ETV1: variants seen among roughly 807,000 people sequenced by gnomAD.
ETV1 encodes ETS translocation variant 1.
Under a neutral mutation model 62.3 loss-of-function variants are expected in ETV1, and 27 were observed. The ratio of observed to expected loss-of-function variants is 0.43; its 90% CI spans 0.32 to 0.60. The LOEUF (loss-of-function observed/expected upper bound fraction) is 0.60. Ranked by LOEUF, ETV1 falls within the 20% of genes least tolerant of loss-of-function variation. The pLI is 0.06. For missense variants in ETV1, 605 were observed against 605.8 expected (o/e 1.00, Z 0.01); for synonymous variants, 222 against 199.6 (o/e 1.11, Z -0.94).
Position 13,931,563 on chromosome 7 carries a change from G to T in ETV1, c.741C>A (p.Ser247Arg), listed in dbSNP as rs759316974. The change falls in exon 9 of 14, where the codon AGC becomes AGA. Residue 247 changes from serine to arginine, a missense_variant. This residue lies in a region of ETV1 where 426 missense variants were observed against 377.8 expected (regional missense o/e 1.13). Coordinates refer to ENST00000430479, the MANE Select transcript of ETV1 (RefSeq NM_004956.5). ...TCATCAGAGGAGGGGGAAAGCTTTG[G>T]CTGGCCGCACTGCCAACCATGGTGT... ...EHNTMVGSAA[S>R]QSFPPPLMIK... The T allele has an allele frequency of 7.5e-5, 121 of 1,613,930 alleles. No homozygotes were observed. The highest frequency in any genetic ancestry group is 1.0e-4 in the Non-Finnish European group (120 of 1,179,904).
At chr7:13,906,409 A>C in intron 12 of ETV1, 21 bp downstream of exon 12, 1 of 1,487,022 alleles carries the variant, frequency 6.7e-7, no homozygotes, top group South Asian at 1.4e-5. Context: ...GAGTGTCCTA[A>C]TTAAAATCTA....
At chr7:13,970,218 G>A (rs1350491385) in intron 6 of ETV1, among the ~76,000 whole-genome samples, 5 of 150,830 alleles carry the variant, frequency 3.3e-5, no homozygotes, top group African/African-American at 4.9e-5. Flanking sequence ...CTGAGGTCAC[G>A]CCACTGCACT....
intron 9 of ETV1, among the ~76,000 whole-genome samples, chr7:13,921,676 T>C (rs1339819918): frequency 1.3e-5 from 2 of 152,198 alleles, no homozygotes; most frequent in African/African-American, 2.4e-5. Context: ...TGACAAATAT[T>C]CAACCTCCAA....
At chr7:13,936,886 C>CA in intron 7 of ETV1, among the ~76,000 whole-genome samples, 1 of 151,898 alleles carries the variant, frequency 6.6e-6, no homozygotes, top group African/African-American at 2.4e-5. Context: ...ACTAAAAATA[C>CA]AAAAAATTAG....
intron 11 of ETV1, chr7:13,907,841 G>T (rs756683515): frequency 6.4e-5 from 30 of 470,462 alleles, no homozygotes; most frequent in African/African-American, 5.4e-4. Flanking sequence ...TACAGAAAGG[G>T]CAACATTTGA....
chr7:13,986,170 G>C, intron 5 of ETV1: 1 of 1,593,368 alleles, frequency 6.3e-7, no homozygotes, highest in South Asian at 1.1e-5. Context: ...CTTAAATCTT[G>C]AAGCATCCCG....
intron 8 of ETV1, among the ~76,000 whole-genome samples, chr7:13,934,718 T>C (rs1245105669): frequency 6.6e-6 from 1 of 152,238 alleles, no homozygotes; most frequent in African/African-American, 2.4e-5. Flanking sequence ...AGGTTACTTA[T>C]GTCTCTGGTA....
intron 6 of ETV1, among the ~76,000 whole-genome samples, chr7:13,969,805 T>C (rs1214096318): frequency 6.6e-6 from 1 of 152,128 alleles, no homozygotes; most frequent in African/African-American, 2.4e-5. Context: ...AATCTAAAAC[T>C]AATAAAACAA....
chr7:13,944,224 G>A lies in ETV1; in HGVS notation c.236-4978C>T, dbSNP rs61232211. 2.4e-3 allele frequency among the ~76,000 whole-genome samples: 373 copies of A among 152,256 alleles called. 1 individual carries two copies. Among genetic ancestry groups the A allele is most frequent in the African/African-American group, 8.4e-3 (349 of 41,544 alleles). ...AAAGGGCATGTCTTAGTCTGTTTAG[G>A]CTGCTGTAACAAAAATACCATAGAC... On this transcript the variant is annotated intron_variant, in intron 6 of 13. Coordinates refer to ENST00000430479, the MANE Select transcript of ETV1 (RefSeq NM_004956.5).
At chr7:13,928,354 C>G (rs993598908) in intron 9 of ETV1, among the ~76,000 whole-genome samples, 2 of 152,112 alleles carry the variant, frequency 1.3e-5, no homozygotes, top group South Asian at 4.1e-4. Context: ...TGGTGGCTCA[C>G]GCTTGTAATC....
chr7:13,946,862 C>T (rs1446192887), intron 6 of ETV1, among the ~76,000 whole-genome samples: 1 of 152,272 alleles, frequency 6.6e-6, no homozygotes, highest in East Asian at 1.9e-4. Context: ...AATCTCAGCT[C>T]ACCGCAACCC....
intron 3 of ETV1, chr7:13,988,620 G>GAA (rs11460974): frequency 0.022 from 23,068 of 1,048,508 alleles, 3 homozygotes; most frequent in Admixed American, 0.025. Context: ...GAGAAAATGA[G>GAA]AAAAAAAAAA....
intron 3 of ETV1, 24 bp downstream of exon 3, chr7:13,988,984 G>C: frequency 6.3e-7 from 1 of 1,583,814 alleles, no homozygotes; most frequent in East Asian, 2.3e-5. Flanking sequence ...TTTATAAACA[G>C]CAACTTTCAA....
intron 6 of ETV1, among the ~76,000 whole-genome samples, chr7:13,957,359 T>A (rs1789606987): frequency 6.6e-6 from 1 of 152,178 alleles, no homozygotes; most frequent in South Asian, 2.1e-4. Context: ...GTGCTGGGAT[T>A]ACAGGCCTAA....
intron 6 of ETV1, among the ~76,000 whole-genome samples, chr7:13,947,553 T>C (rs1360000228): frequency 3.9e-5 from 6 of 152,208 alleles, no homozygotes; most frequent in Non-Finnish European, 8.8e-5. Flanking sequence ...AAGCACCATG[T>C]CTGACTAAAG....
chr7:13,948,085 A>C (rs1583752531), intron 6 of ETV1, among the ~76,000 whole-genome samples: 3 of 152,268 alleles, frequency 2.0e-5, no homozygotes, highest in Admixed American at 2.0e-4. Flanking sequence ...GCCTTCTTTC[A>C]ATTTATTACT....
rs1158566295 is a variant in ETV1 at position 13,965,031 on chromosome 7, AC to A, written c.235+12395del. Among the ~76,000 whole-genome samples, 9 of 152,180 alleles carry A rather than the reference AC, an allele frequency of 5.9e-5. No homozygotes were observed. The East Asian group carries it at 1.7e-3, about 30-fold the overall frequency. On this transcript the variant is annotated intron_variant, in intron 6 of 13. Coordinates refer to ENST00000430479, the MANE Select transcript of ETV1 (RefSeq NM_004956.5). ...GAACATTAGTAATACTCCTACTACT[AC>A]TACTAATACCTCCGCCGCTGCTGCT...
intron 11 of ETV1, among the ~76,000 whole-genome samples, chr7:13,909,136 TAAA>T (rs34046311): frequency 6.8e-4 from 95 of 138,908 alleles, no homozygotes; most frequent in Admixed American, 9.4e-4. Context: ...CTTCCCCAGT[TAAA>T]AAAAAAAAAA....
intron 12 of ETV1, among the ~76,000 whole-genome samples, chr7:13,902,251 A>T (rs1034487146): frequency 2.6e-5 from 4 of 152,106 alleles, no homozygotes; most frequent in Admixed American, 2.6e-4. Context: ...TTGCTTTATT[A>T]GTAATAACCT....
Sources: allele counts gnomAD v4.1 joint callset (sites outside exome capture counted in the v4.1 genomes callset), GRCh38; gene constraint gnomAD v4.1.1; regional missense constraint gnomAD v4.1.1; transcripts MANE v1.5; gene names NCBI Gene and HGNC (gene_info 2026-07-23, HGNC 2026-07-21).